The following PRMT9 variants were observed in gnomAD, a reference collection of about 807,000 sequenced individuals.
The protein encoded by PRMT9 is protein arginine methyltransferase 9.
Under a neutral mutation model 83.2 loss-of-function variants are expected in PRMT9, and 59 were observed. The observed-to-expected ratio is 0.71, with a 90% CI of 0.57 to 0.88. The LOEUF is 0.88. PRMT9 is among the 40% of genes least tolerant of loss of function. The probability of loss-of-function intolerance (pLI) is 0.00; values close to 1 mark genes in which losing one functional copy is unlikely to be tolerated. For synonymous variants in PRMT9, 333 were observed against 353.2 expected (o/e 0.94, Z 0.64); for missense variants, 947 against 1,021.9 (o/e 0.93, Z 1.00).
At position 147,660,969 on chromosome 4, in the gene PRMT9, A is replaced by G. The variant is rs374137074; in HGVS notation, c.1023T>C (p.Ser341=). The G allele has an allele frequency of 3.1e-6, 5 of 1,612,966 alleles. No homozygotes were observed. In the African/African-American group the frequency reaches 5.3e-5, roughly 17 times the overall value. Residue 341 remains serine (S), a synonymous_variant, in exon 7 of 12, where the codon TCT becomes TCC. Coordinates refer to ENST00000322396, the MANE Select transcript of PRMT9 (RefSeq NM_138364.4). ...CAATTGTTTCTTCAGTATCTACAGA[A>G]GAATAAGCCGGACTCTGAAATTTCA... ...TNVKFQSPAY[S]SVDTEETIEP... is the part of the protein sequence containing the mutation.
At chr4:147,657,421 A>C (rs1427246167) in intron 8 of PRMT9, among the ~76,000 whole-genome samples, 2 of 152,112 alleles carry the variant, frequency 1.3e-5, no homozygotes, top group Non-Finnish European at 1.5e-5. Context: ...GCTACTCGGA[A>C]GGCTGAGGCA....
At chr4:147,667,057 A>G (rs547167497) in intron 6 of PRMT9, among the ~76,000 whole-genome samples, 2 of 152,190 alleles carry the variant, frequency 1.3e-5, no homozygotes, top group Non-Finnish European at 1.5e-5. Flanking sequence ...GGTCTCCTAA[A>G]GAGGAACTAT....
intron 9 of PRMT9, among the ~76,000 whole-genome samples, chr4:147,648,885 G>C (rs1429841434): frequency 1.3e-5 from 2 of 152,136 alleles, no homozygotes; most frequent in East Asian, 3.9e-4. Flanking sequence ...GATAGTGTCA[G>C]ATCTTAGCTA....
Position 147,654,111 on chromosome 4 carries a change from C to G in PRMT9, c.1786G>C (p.Val596Leu), listed in dbSNP as rs751553388. 9.9e-6 allele frequency: 16 copies of G among 1,614,120 alleles called. No homozygotes were observed. The highest frequency in any genetic ancestry group is 1.4e-5 in the Non-Finnish European group (16 of 1,180,056). ...ACCTGCCCAAGTGTGCCAGCAATAA[C>G]AGGCAGAACAGAGAAGCCTTCGGAC... is the stretch of plus-strand genomic sequence containing the variant. ...DVSEGFSVLP[V>L]IAGTLGQVKP... The change falls in exon 9 of 12, where the codon GTT becomes CTT. Residue 596 changes from valine to leucine, a missense_variant. Val to Leu is a conservative substitution (Grantham distance 32, BLOSUM62 1). Coordinates refer to ENST00000322396, the MANE Select transcript of PRMT9 (RefSeq NM_138364.4).
At chr4:147,657,282 T>C (rs1734576663) in intron 8 of PRMT9, among the ~76,000 whole-genome samples, 1 of 151,998 alleles carries the variant, frequency 6.6e-6, no homozygotes, top group South Asian at 2.1e-4. Context: ...TCCCAGCACT[T>C]TGGGAGGCCG....
At chr4:147,680,550 C>CA in intron 1 of PRMT9, 79 bp from the exon 2 acceptor site, 1 of 1,115,894 alleles carries the variant, frequency 9.0e-7, no homozygotes, top group Non-Finnish European at 1.3e-6. Context: ...TTGAAGATTC[C>CA]AAGCAATCGA....
chr4:147,638,421 TAAA>T lies in PRMT9; in HGVS notation c.*108_*110del. 1.3e-6 allele frequency: 1 copy of T among 770,582 alleles called. No individual in the cohort carries two copies. Among genetic ancestry groups the T allele is most frequent in the Non-Finnish European group, 2.2e-6 (1 of 446,724 alleles). 47.7% of individuals were successfully genotyped at this position (770,582 alleles called of 1,614,324 possible). A position where few individuals can be genotyped will look rare whatever the true frequency, so the allele number is the denominator to read the frequency against. On this transcript the variant is annotated 3_prime_UTR_variant, in exon 12 of 12. Transcript: ENST00000322396. ...AAATATGCTTTATTAATGTCAATTTTAAAAAATATTTGACCATTACAAGGAATT... is the reference window on the plus strand; with the variant it reads ...AAATATGCTTTATTAATGTCAATTTTAAATATTTGACCATTACAAGGAATT...
In PRMT9 at chr4:147,680,417, G is replaced by A. The variant is rs757991114; in HGVS notation, c.244C>T (p.Arg82Trp). The change falls in exon 2 of 12, where the codon CGG becomes TGG. Residue 82 changes from arginine (R) to tryptophan (W), a missense_variant. By Grantham distance (101) the Arg-to-Trp change is moderately radical (BLOSUM62 -3). Transcript: ENST00000322396. ...TAGCAACCAAGTAAGTCTTGTATCCGACTGAGAGCATCAAGCTCTTCAGCC... is the reference window on the plus strand; with the variant it reads ...TAGCAACCAAGTAAGTCTTGTATCCAACTGAGAGCATCAAGCTCTTCAGCC... ...RWAEELDALS[R>W]IQDLLGCYEQ... 6.8e-6 allele frequency: 11 copies of A among 1,613,952 alleles called. No individual in the cohort carries two copies. The highest frequency in any genetic ancestry group is 4.4e-5 in the South Asian group (4 of 91,070).
chr4:147,674,660 C>T (rs1322405386), intron 2 of PRMT9, among the ~76,000 whole-genome samples: 1 of 152,164 alleles, frequency 6.6e-6, no homozygotes. Flanking sequence ...TAATTGTTTG[C>T]AGACTGATAT....
At chr4:147,679,677 G>T (rs900086413) in intron 2 of PRMT9, among the ~76,000 whole-genome samples, 10 of 152,164 alleles carry the variant, frequency 6.6e-5, no homozygotes, top group African/African-American at 2.4e-4. Flanking sequence ...GAACCCAGAA[G>T]GTGGAGAGGT....
At chr4:147,674,843 T>C (rs1258904251) in intron 2 of PRMT9, among the ~76,000 whole-genome samples, 1 of 152,228 alleles carries the variant, frequency 6.6e-6, no homozygotes, top group Non-Finnish European at 1.5e-5. Flanking sequence ...TTTCTATACT[T>C]ACCTGTCATT....
chr4:147,675,138 G>A (rs953971968), intron 2 of PRMT9, among the ~76,000 whole-genome samples: 2 of 152,012 alleles, frequency 1.3e-5, no homozygotes, highest in East Asian at 1.9e-4. Flanking sequence ...GCGCCACCAC[G>A]TCCGGCTAAT....
intron 10 of PRMT9, among the ~76,000 whole-genome samples, chr4:147,641,950 A>T (rs990107674): frequency 6.6e-6 from 1 of 152,202 alleles, no homozygotes; most frequent in Non-Finnish European, 1.5e-5. Context: ...GGTGTGAGCC[A>T]CCATGCCCAG....
chr4:147,673,857 T>TCATC lies in PRMT9; in HGVS notation c.352_355dup (p.Glu119GlyfsTer2). ...TGCTTTATGAAAATACCCAGCTGCT[T>TCATC]CATCCCTAAAGCCCATTCTAGAGTA... On this transcript the variant is annotated stop_gained and frameshift_variant, in exon 3 of 12. Coordinates refer to ENST00000322396, the MANE Select transcript of PRMT9 (RefSeq NM_138364.4). LOFTEE classifies it high-confidence loss of function. The TCATC allele has an allele frequency of 6.2e-7, 1 of 1,613,896 alleles. No individual in the cohort carries two copies. Among genetic ancestry groups the TCATC allele is most frequent in the South Asian group, 1.1e-5 (1 of 91,070 alleles).
chr4:147,673,698 T>C lies in PRMT9; in HGVS notation c.515A>G (p.Lys172Arg). 6.2e-7 allele frequency: 1 copy of C among 1,614,126 alleles called. No homozygotes were observed. Among genetic ancestry groups the C allele is most frequent in the Non-Finnish European group, 8.5e-7 (1 of 1,179,988 alleles). ...ACTTTTGGACCCCAAACAAACTGCC[T>C]TTTGGATTGCTGCATTATAAATTGT... ...RNTIYNAAIQ[K>R]AVCLGSKSVL... Residue 172 changes from lysine (K) to arginine (R), a missense_variant, in exon 3 of 12, where the codon AAG becomes AGG. By Grantham distance (26) the Lys-to-Arg change is conservative. Coordinates refer to ENST00000322396, the MANE Select transcript of PRMT9 (RefSeq NM_138364.4).
In PRMT9 at chr4:147,684,107, C is replaced by A. The variant is rs913758957; in HGVS notation, c.-120G>T. 1.2e-5 allele frequency: 14 copies of A among 1,191,314 alleles called. No individual in the cohort carries two copies. The highest frequency in any genetic ancestry group is 1.7e-5 in the Non-Finnish European group (14 of 834,514). The allele number at this position is 1,191,314 out of a possible 1,614,324, so 73.8% of individuals were successfully genotyped here. A position where few individuals can be genotyped will look rare whatever the true frequency, so the allele number is the denominator to read the frequency against. On this transcript the variant is annotated 5_prime_UTR_variant, in exon 1 of 12. Coordinates refer to ENST00000322396, the MANE Select transcript of PRMT9 (RefSeq NM_138364.4). ...TCAAAAAACAGCACAGCAAAGTTAC[C>A]CTCCGCCGCGGGTGAACTCGCCAAC...
chr4:147,647,148 T>C (rs761455490), intron 9 of PRMT9, among the ~76,000 whole-genome samples: 5 of 152,128 alleles, frequency 3.3e-5, no homozygotes, highest in Non-Finnish European at 7.3e-5. Flanking sequence ...AGTTAAATGA[T>C]ACCCAGTCAT....
intron 4 of PRMT9, among the ~76,000 whole-genome samples, chr4:147,671,269 G>C (rs1735712927): frequency 6.6e-6 from 1 of 152,084 alleles, no homozygotes; most frequent in Non-Finnish European, 1.5e-5. Context: ...TACCTTCTAT[G>C]ATACTGCATC....
At chr4:147,668,393 C>A in intron 6 of PRMT9, 146 bp downstream of exon 6, 1 of 657,912 alleles carries the variant, frequency 1.5e-6, no homozygotes, top group South Asian at 1.7e-5. Context: ...ATAAGACGTG[C>A]CTGCTTCCCC....
Sources: allele counts gnomAD v4.1 joint callset (sites outside exome capture counted in the v4.1 genomes callset), GRCh38; gene constraint gnomAD v4.1.1; transcripts MANE v1.5; gene names NCBI Gene and HGNC (gene_info 2026-07-23, HGNC 2026-07-21).